The following TMTC4 variants were observed in gnomAD, a reference collection of about 807,000 sequenced individuals.
TMTC4 encodes protein O-mannosyl-transferase TMTC4.
Under a neutral mutation model 86.0 loss-of-function variants are expected in TMTC4, and 65 were observed. The observed-to-expected ratio is 0.76, with a 90% confidence interval of 0.62 to 0.93. TMTC4 has a LOEUF of 0.93. Ranked by LOEUF, TMTC4 falls within the 40% of genes least tolerant of loss-of-function variation. The probability of loss-of-function intolerance (pLI) is 0.00; values close to 1 mark genes in which losing one functional copy is unlikely to be tolerated. For missense variants in TMTC4, 866 were observed against 948.1 expected (o/e 0.91, Z 1.14); for synonymous variants, 379 against 382.5 (o/e 0.99, Z 0.11).
Position 100,637,947 on chromosome 13 carries a change from T to G in TMTC4, c.817A>C (p.Lys273Gln). The G allele has an allele frequency of 6.2e-7, 1 of 1,613,752 alleles. No individual in the cohort carries two copies. Among genetic ancestry groups the G allele is most frequent in the South Asian group, 1.1e-5 (1 of 90,972 alleles). The change falls in exon 8 of 19, where the codon AAG becomes CAG. Residue 273 changes from lysine (K) to glutamine (Q), a missense_variant. By Grantham distance (53) the Lys-to-Gln change is moderately conservative. Transcript: ENST00000342624. ...VLEIVQKVLH[K>Q]DKSLENLGML... ...AGACTCACCTCTAATGACTTGTCCT[T>G]ATGTAGTACCTTCTGGACAATTTCC...
intron 2 of TMTC4, 111 bp downstream of exon 2, chr13:100,670,249 A>T (rs1456087790): frequency 8.0e-7 from 1 of 1,251,272 alleles, no homozygotes; most frequent in Non-Finnish European, 1.1e-6. Context: ...ACCCCAGATT[A>T]TGGAATCAAT....
chr13:100,657,474 CA>C (rs1200366143), intron 5 of TMTC4, among the ~76,000 whole-genome samples: 2 of 152,192 alleles, frequency 1.3e-5, no homozygotes, highest in Non-Finnish European at 1.5e-5. Flanking sequence ...GAAGCAATAT[CA>C]ACTATGTGTT....
chr13:100,637,060 A>G (rs981280327), intron 9 of TMTC4, among the ~76,000 whole-genome samples: 5 of 152,192 alleles, frequency 3.3e-5, no homozygotes, highest in African/African-American at 4.8e-5. Flanking sequence ...TATACACCCA[A>G]TAACATAACA....
chr13:100,611,719 A>G (rs1225001864), intron 17 of TMTC4, among the ~76,000 whole-genome samples: 1 of 152,222 alleles, frequency 6.6e-6, no homozygotes, highest in Non-Finnish European at 1.5e-5. Context: ...ATTCTGATAG[A>G]CAAAATTAAA....
chr13:100,638,565 CCAGTA>C (rs1304160108), intron 7 of TMTC4: 1 of 152,240 alleles, frequency 6.6e-6, no homozygotes. Context: ...ATCTAGTTGT[CCAGTA>C]GTTTTCTCGC....
chr13:100,656,305 C>T (rs1885097141), intron 6 of TMTC4, 76 bp downstream of exon 6: 5 of 1,286,906 alleles, frequency 3.9e-6, no homozygotes, highest in Non-Finnish European at 4.4e-6. Flanking sequence ...GATTCTTTCC[C>T]GTATGTTAAG....
At chr13:100,622,634 T>G (rs895516649) in intron 15 of TMTC4, among the ~76,000 whole-genome samples, 12 of 152,204 alleles carry the variant, frequency 7.9e-5, no homozygotes, top group Non-Finnish European at 1.3e-4. Context: ...ACCTTGATTG[T>G]GAGGCCTCCC....
At chr13:100,617,524 C>A (rs1295426428) in intron 15 of TMTC4, among the ~76,000 whole-genome samples, 1 of 152,088 alleles carries the variant, frequency 6.6e-6, no homozygotes, top group African/African-American at 2.4e-5. Flanking sequence ...AGGTAGGGGT[C>A]CAGTTTCACT....
chr13:100,609,072 A>T (rs1387290078), intron 17 of TMTC4, among the ~76,000 whole-genome samples: 2 of 152,126 alleles, frequency 1.3e-5, no homozygotes, highest in East Asian at 3.9e-4. Flanking sequence ...TCTGATGAGA[A>T]GTTGAAACCG....
rs749040851 is a variant in TMTC4 at position 100,605,193 on chromosome 13, C to T, written c.2135-51G>A. The T allele has an allele frequency of 2.4e-5, 38 of 1,573,672 alleles. No individual in the cohort carries two copies. The highest frequency in any genetic ancestry group is 3.4e-4 in the Middle Eastern group (2 of 5,884). The stretch of plus-strand genomic sequence containing the variant: ...CTGGGAATGCTTCTGAGTAACGTGC[C>T]GTATTCCTACCCTCTTGGACAAAGA... On this transcript the variant is annotated intron_variant, in intron 18 of 18. Coordinates refer to ENST00000342624, the MANE Select transcript of TMTC4 (RefSeq NM_032813.5). This position sits in a 1 kb window ranked among gnomAD's most constrained non-coding sequence, Gnocchi z 4.3.
intron 3 of TMTC4, 167 bp downstream of exon 3, chr13:100,668,412 C>T: frequency 1.4e-6 from 1 of 704,942 alleles, no homozygotes; most frequent in South Asian, 1.9e-5. Flanking sequence ...AAGAAAGGCA[C>T]TAAATCATGG....
intron 1 of TMTC4, chr13:100,670,820 C>T (rs937368659): frequency 5.7e-5 from 9 of 156,898 alleles, no homozygotes; most frequent in Admixed American, 2.0e-4. Flanking sequence ...AGTGTGGAGG[C>T]GTATGCCTGC....
chr13:100,674,426 T>A, intron 1 of TMTC4: 1 of 904,514 alleles, frequency 1.1e-6, no homozygotes, highest in Non-Finnish European at 1.3e-6. Flanking sequence ...GGCGCGGCTG[T>A]GCAGGCAGGG....
chr13:100,612,865 T>G (rs113321072), intron 16 of TMTC4, among the ~76,000 whole-genome samples: 1 of 152,234 alleles, frequency 6.6e-6, no homozygotes, highest in Admixed American at 6.5e-5. Flanking sequence ...AACACTTTCA[T>G]AACTGAGAAT....
intron 7 of TMTC4, among the ~76,000 whole-genome samples, chr13:100,639,266 G>A (rs1022583575): frequency 1.3e-5 from 2 of 152,186 alleles, no homozygotes; most frequent in African/African-American, 4.8e-5. Flanking sequence ...AATGCTGGGA[G>A]CCACTAATTA....
At chr13:100,647,737 GAC>G in intron 6 of TMTC4, among the ~76,000 whole-genome samples, 1 of 152,254 alleles carries the variant, frequency 6.6e-6, no homozygotes. Context: ...GCTAAATTAT[GAC>G]ACAGACACGA....
intron 1 of TMTC4, among the ~76,000 whole-genome samples, chr13:100,671,804 CTT>C (rs1321699273): frequency 2.0e-5 from 3 of 148,836 alleles, no homozygotes; most frequent in Non-Finnish European, 4.4e-5. Context: ...CACAAATGCT[CTT>C]TTCTTTGAAG....
At chr13:100,661,566 G>T (rs1028365138) in intron 5 of TMTC4, among the ~76,000 whole-genome samples, 2 of 152,122 alleles carry the variant, frequency 1.3e-5, no homozygotes, top group Non-Finnish European at 2.9e-5. Flanking sequence ...AACTCAGATC[G>T]AAACAAAGTC....
intron 5 of TMTC4, among the ~76,000 whole-genome samples, chr13:100,658,121 T>G (rs1885328268): frequency 6.6e-6 from 1 of 152,040 alleles, no homozygotes; most frequent in African/African-American, 2.4e-5. Flanking sequence ...ATGAGCGCTC[T>G]GGAATACTCA....
Sources: gnomAD v4.1 joint callset for allele counts (sites outside exome capture counted in the v4.1 genomes callset) on GRCh38, gnomAD v4.1.1 for gene constraint, Gnocchi (gnomAD v3.1) non-coding constraint, MANE v1.5 for transcripts, NCBI Gene and HGNC (gene_info 2026-07-23, HGNC 2026-07-21) for gene names.